Variants in METTL8 observed in about 807,000 individuals in gnomAD.
METTL8 encodes the protein tRNA N(3)-cytidine methyltransferase METTL8, mitochondrial.
METTL8 carries 32 observed loss-of-function variants against 48.7 expected under a neutral mutation model. The observed-to-expected ratio is 0.66, with a 90% CI of 0.50 to 0.88. The LOEUF is 0.88. Ranked by LOEUF, METTL8 falls within the 40% of genes least tolerant of loss-of-function variation. METTL8 has a pLI of 0.00. For synonymous variants in METTL8, 136 were observed against 157.1 expected (o/e 0.87, Z 1.01); for missense variants, 464 against 474.4 (o/e 0.98, Z 0.20).
chr2:171,328,987 C>A (rs1176873946), intron 7 of METTL8, among the ~76,000 whole-genome samples: 1 of 147,088 alleles, frequency 6.8e-6, no homozygotes, highest in South Asian at 2.1e-4. Flanking sequence ...CAGCGCCCAG[C>A]CTTTTATTTT....
chr2:171,434,762 C>T (rs966725600), upstream of METTL8: 5 of 1,391,728 alleles, frequency 3.6e-6, no homozygotes, highest in African/African-American at 6.1e-5. Context: ...GGCCGAGCCT[C>T]CTGCGGGGAT....
intron 1 of METTL8, among the ~76,000 whole-genome samples, chr2:171,430,311 T>C (rs1361468509): frequency 6.6e-6 from 1 of 151,306 alleles, no homozygotes; most frequent in Non-Finnish European, 1.5e-5. Context: ...TGAGCCGAGA[T>C]AGCCCCACCG....
intron 2 of METTL8, among the ~76,000 whole-genome samples, chr2:171,365,613 C>T (rs1685636163): frequency 6.6e-6 from 1 of 152,082 alleles, no homozygotes; most frequent in African/African-American, 2.4e-5. Context: ...CTGGTTTCTC[C>T]AACACAAAGT....
intron 1 of METTL8, among the ~76,000 whole-genome samples, chr2:171,419,047 G>A (rs1691619025): frequency 6.6e-6 from 1 of 150,964 alleles, no homozygotes; most frequent in Non-Finnish European, 1.5e-5. Context: ...TCCTCTTTCA[G>A]TTGGCTCCTA....
chr2:171,336,912 T>C (rs1359840853), intron 5 of METTL8, among the ~76,000 whole-genome samples: 1 of 137,268 alleles, frequency 7.3e-6, no homozygotes, highest in Non-Finnish European at 1.5e-5. Context: ...ACTTGTTGCC[T>C]AGACTGGAGT....
rs1360979478 is a variant in METTL8 at position 171,339,324 on chromosome 2, AATG to A, written c.463_465del (p.His155del). On this transcript the variant is annotated inframe_deletion, in exon 4 of 10. Transcript: ENST00000375258. ...TCTGAAGAACCAGAACTTTTCTCAT[AATG>A]ATTTTTTTCATCAGGCACAGTAGGA... is the stretch of plus-strand genomic sequence containing the variant. 6.2e-7 allele frequency: 1 copy of A among 1,612,716 alleles called. No homozygotes were observed. Among genetic ancestry groups the A allele is most frequent in the Non-Finnish European group, 8.5e-7 (1 of 1,179,256 alleles).
In METTL8 at chr2:171,324,039, C is replaced by T; in HGVS notation, c.*133G>A. The T allele has an allele frequency of 2.8e-6, 2 of 711,308 alleles. No individual in the cohort carries two copies. The highest frequency in any genetic ancestry group is 2.3e-6 in the Non-Finnish European group (1 of 442,594). The allele number at this position is 711,308 out of a possible 1,614,324, so 44.1% of individuals were successfully genotyped here. On this transcript the variant is annotated 3_prime_UTR_variant, in exon 10 of 10. Transcript: ENST00000375258. The stretch of plus-strand genomic sequence containing the variant: ...CATGTGCTTAAAATGCACAAAGGAG[C>T]TCACCTATGACAAAACGGCAGGAAA...
intron 1 of METTL8, among the ~76,000 whole-genome samples, chr2:171,401,319 G>A (rs536296351): frequency 2.0e-5 from 3 of 152,212 alleles, no homozygotes; most frequent in South Asian, 4.1e-4. Flanking sequence ...AACTCAGAGG[G>A]TGACCATCTG....
intron 3 of METTL8, among the ~76,000 whole-genome samples, chr2:171,354,230 C>T (rs185047584): frequency 3.9e-5 from 6 of 152,222 alleles, no homozygotes; most frequent in Admixed American, 1.3e-4. Context: ...CTTAGTTTGG[C>T]TGGATATGAA....
In METTL8 at chr2:171,373,924, G is replaced by C. The variant is rs144355948; in HGVS notation, c.144-13411C>G. Among the ~76,000 whole-genome samples the C allele has an allele frequency of 5.8e-4, 89 of 152,336 alleles. 3 individuals are homozygous for C. The East Asian group carries it at 0.014, about 24-fold the overall frequency. Reference sequence around the variant, plus strand: ...GAAGTCAGGCAGCGTGATGCTTCCAGCTTTGTTCTTTTGGCTTAGGATTGT... The same window carrying C: ...GAAGTCAGGCAGCGTGATGCTTCCACCTTTGTTCTTTTGGCTTAGGATTGT... On this transcript the variant is annotated intron_variant, in intron 2 of 9. Transcript: ENST00000375258.
At chr2:171,421,102 G>A (rs1691826115) in intron 1 of METTL8, among the ~76,000 whole-genome samples, 1 of 152,106 alleles carries the variant, frequency 6.6e-6, no homozygotes, top group South Asian at 2.1e-4. Flanking sequence ...GTAACAAACT[G>A]TCACAGTTTC....
At chr2:171,327,756 T>C (rs1685103022) in intron 7 of METTL8, among the ~76,000 whole-genome samples, 1 of 152,234 alleles carries the variant, frequency 6.6e-6, no homozygotes, top group Non-Finnish European at 1.5e-5. Flanking sequence ...GAAACGTATT[T>C]TTTGTTTATT....
chr2:171,377,504 TATCCAGA>T (rs1687094033), intron 2 of METTL8, among the ~76,000 whole-genome samples: 1 of 152,170 alleles, frequency 6.6e-6, no homozygotes, highest in South Asian at 2.1e-4. Context: ...AAAGGACTAA[TATCCAGA>T]ATCTACAAGG....
chr2:171,391,763 G>A (rs73021099), intron 2 of METTL8, among the ~76,000 whole-genome samples: 1,743 of 152,224 alleles, frequency 0.011, 31 homozygotes, highest in African/African-American at 0.039. Context: ...CCCCCACCCA[G>A]TGACAGCAGG....
Position 171,324,037 on chromosome 2 carries a change from A to G in METTL8, c.*135T>C, listed in dbSNP as rs959806950. 1.9e-5 allele frequency: 13 copies of G among 696,884 alleles called. No homozygotes were observed. The highest frequency in any genetic ancestry group is 3.0e-5 in the Non-Finnish European group (13 of 429,228). 43.2% of individuals were successfully genotyped at this position (696,884 alleles called of 1,614,324 possible). Reference sequence around the variant, plus strand: ...TACATGTGCTTAAAATGCACAAAGGAGCTCACCTATGACAAAACGGCAGGA... The same window carrying G: ...TACATGTGCTTAAAATGCACAAAGGGGCTCACCTATGACAAAACGGCAGGA... On this transcript the variant is annotated 3_prime_UTR_variant, in exon 10 of 10. Coordinates refer to ENST00000375258, the MANE Select transcript of METTL8 (RefSeq NM_001321154.2).
chr2:171,430,367 A>G (rs1225756582), intron 1 of METTL8, among the ~76,000 whole-genome samples: 2 of 151,940 alleles, frequency 1.3e-5, no homozygotes, highest in Non-Finnish European at 2.9e-5. Flanking sequence ...CAAAAACAAA[A>G]AACAAAAAAA....
At chr2:171,326,790 T>C (rs1276422058) in intron 7 of METTL8, among the ~76,000 whole-genome samples, 1 of 152,208 alleles carries the variant, frequency 6.6e-6, no homozygotes, top group Admixed American at 6.5e-5. Flanking sequence ...CCTATCTCCT[T>C]AGGCCTGGAA....
intron 1 of METTL8, among the ~76,000 whole-genome samples, chr2:171,426,583 TTAAAA>T (rs1461487376): frequency 5.9e-5 from 9 of 152,214 alleles, no homozygotes; most frequent in African/African-American, 1.9e-4. Context: ...TAAATATTGT[TTAAAA>T]TAAGAGGGTG....
chr2:171,390,130 T>A (rs537280120), intron 2 of METTL8, among the ~76,000 whole-genome samples: 1 of 152,182 alleles, frequency 6.6e-6, no homozygotes, highest in African/African-American at 2.4e-5. Context: ...CTATACTCTA[T>A]AAATGAAACA....
Sources: gnomAD v4.1 joint callset for allele counts (sites outside exome capture counted in the v4.1 genomes callset) on GRCh38, gnomAD v4.1.1 for gene constraint, MANE v1.5 for transcripts, NCBI Gene and HGNC (gene_info 2026-07-23, HGNC 2026-07-21) for gene names.